Variants in KIAA0586 observed in about 807,000 individuals in gnomAD.
The protein encoded by KIAA0586 is protein TALPID3.
In KIAA0586, 144 loss-of-function variants were observed where a neutral mutation model predicts 169.8. The ratio of observed to expected loss-of-function variants is 0.85; its 90% CI spans 0.74 to 0.97. The LOEUF (loss-of-function observed/expected upper bound fraction) is 0.97, where lower values mean the gene tolerates loss of function less well. KIAA0586 is among the 50% of genes least tolerant of loss of function. The probability of loss-of-function intolerance (pLI) is 0.00; values close to 1 mark genes in which losing one functional copy is unlikely to be tolerated. For synonymous variants in KIAA0586, 625 were observed against 612.4 expected, an observed-to-expected ratio of 1.02 and a Z score of -0.30; for missense variants, 1,854 against 1,823.0, an observed-to-expected ratio of 1.02 and a Z score of -0.31.
intron 29 of KIAA0586, among the ~76,000 whole-genome samples, chr14:58,538,484 G>A (rs760865005): frequency 2.6e-5 from 4 of 151,320 alleles, no homozygotes; most frequent in Non-Finnish European, 4.4e-5. Flanking sequence ...ATGTATTTAC[G>A]GGTTACATGA....
At chr14:58,498,209 C>T (rs965967261) in intron 26 of KIAA0586, among the ~76,000 whole-genome samples, 4 of 151,120 alleles carry the variant, frequency 2.6e-5, no homozygotes, top group Admixed American at 1.3e-4. Context: ...CAGGGTCTCA[C>T]TGTATCACCC....
chr14:58,464,113 G>A (rs367584405), intron 14 of KIAA0586: 7 of 401,094 alleles, frequency 1.7e-5, no homozygotes, highest in African/African-American at 1.3e-4. Context: ...GACACAGGCT[G>A]GGCTGGAAGA....
rs369440681 is a variant in KIAA0586 at position 58,431,504 on chromosome 14, T to G, written c.340+787T>G. Reference sequence around the variant, plus strand: ...CTGGTCTCAAACTCCTGACCTCAAGTGATCTGCCTACCTCAGCCTCCTAAA... The same window carrying G: ...CTGGTCTCAAACTCCTGACCTCAAGGGATCTGCCTACCTCAGCCTCCTAAA... On this transcript the variant is annotated intron_variant, in intron 3 of 30. Transcript: ENST00000652326. Among the ~76,000 whole-genome samples, 7 of 152,298 alleles carry G rather than the reference T, an allele frequency of 4.6e-5. No homozygotes were observed. In the East Asian group the frequency reaches 7.7e-4, roughly 17 times the overall value.
chr14:58,523,897 C>T (rs1279268173), intron 29 of KIAA0586, among the ~76,000 whole-genome samples: 5 of 152,004 alleles, frequency 3.3e-5, no homozygotes, highest in Non-Finnish European at 7.4e-5. Context: ...CAATGCCCTC[C>T]AAATTAACTG....
rs1378123671 is a variant in KIAA0586, at chr14:58,456,766, C to T, written c.1318C>T (p.His440Tyr). Residue 440 changes from histidine (H) to tyrosine (Y), a missense_variant, in exon 10 of 31, where the codon CAT becomes TAT. Physicochemically the swap from His to Tyr is moderately conservative, Grantham distance 83. Coordinates refer to ENST00000652326, the MANE Select transcript of KIAA0586 (RefSeq NM_001329943.3). ...TATGCAGAAGTCTGATGATGTTCTT[C>T]ATGACCTTGGCCAAAAAGAGAAAGA... ...VTMQKSDDVL[H>Y]DLGQKEKETN... The T allele has an allele frequency of 6.2e-7, 1 of 1,604,762 alleles. No individual in the cohort carries two copies. Among genetic ancestry groups the T allele is most frequent in the African/African-American group, 1.3e-5 (1 of 74,796 alleles).
chr14:58,519,094 T>C (rs2044990202), intron 29 of KIAA0586, among the ~76,000 whole-genome samples: 1 of 152,228 alleles, frequency 6.6e-6, no homozygotes, highest in South Asian at 2.1e-4. Flanking sequence ...ATCGCACCAC[T>C]GCACTCCAGC....
rs372354516 is a variant in KIAA0586, at chr14:58,545,949, G to A, written c.4496-1832G>A. On this transcript the variant is annotated intron_variant, in intron 30 of 30. Coordinates refer to ENST00000652326, the MANE Select transcript of KIAA0586 (RefSeq NM_001329943.3). ...CTTGGGAGGCTGAGGTGGAAGGATCGCTTGAGCCTGTGAGGTTGAGGCTGC... is the reference window on the plus strand; with the variant it reads ...CTTGGGAGGCTGAGGTGGAAGGATCACTTGAGCCTGTGAGGTTGAGGCTGC... 9.9e-5 allele frequency among the ~76,000 whole-genome samples: 15 copies of A among 152,080 alleles called. 1 individual carries two copies. In the East Asian group the frequency reaches 1.2e-3, roughly 12 times the overall value.
At chr14:58,491,139 A>C (rs982513117) in intron 25 of KIAA0586, among the ~76,000 whole-genome samples, 3 of 152,212 alleles carry the variant, frequency 2.0e-5, no homozygotes, top group African/African-American at 7.2e-5. Flanking sequence ...ATTAGTGTAC[A>C]ATTATAGCAT....
chr14:58,543,540 C>T (rs1473475054), intron 30 of KIAA0586, among the ~76,000 whole-genome samples: 1 of 152,188 alleles, frequency 6.6e-6, no homozygotes, highest in Non-Finnish European at 1.5e-5. Context: ...CATACAGAAG[C>T]CTCACATCAG....
intron 26 of KIAA0586, among the ~76,000 whole-genome samples, chr14:58,497,033 G>A (rs963220759): frequency 6.0e-5 from 9 of 151,136 alleles, no homozygotes; most frequent in South Asian, 2.1e-4. Context: ...GGAATGCAGT[G>A]GCGGGATCTC....
At chr14:58,539,859 C>T (rs973674882) in intron 29 of KIAA0586, 8 of 397,044 alleles carry the variant, frequency 2.0e-5, no homozygotes, top group Middle Eastern at 6.8e-4. Context: ...GATAATAATC[C>T]GTTAAAGTAT....
chr14:58,543,855 C>G (rs1395176922), intron 30 of KIAA0586: 1 of 451,440 alleles, frequency 2.2e-6, no homozygotes, highest in Non-Finnish European at 4.4e-6. Flanking sequence ...ATGATTTTTA[C>G]CTCTTTTTTT....
At position 58,494,701 on chromosome 14, in the gene KIAA0586, G is replaced by A. The variant is rs541542402; in HGVS notation, c.3990+2426G>A. The stretch of plus-strand genomic sequence containing the variant: ...TGTGTCTTTAAGCCCTTAGGAAGAC[G>A]TTGCTTTGGGAGGGTTTGTAATCCA... On this transcript the variant is annotated intron_variant, in intron 26 of 30. Coordinates refer to ENST00000652326, the MANE Select transcript of KIAA0586 (RefSeq NM_001329943.3). 3.4e-4 allele frequency among the ~76,000 whole-genome samples: 51 copies of A among 152,236 alleles called. 2 individuals carry two copies. The highest frequency in any genetic ancestry group is 1.4e-3 in the Admixed American group (22 of 15,296).
At chr14:58,427,694 G>C (rs1406685304), upstream of KIAA0586, 8 of 1,535,478 alleles carry the variant, frequency 5.2e-6, no homozygotes, top group Non-Finnish European at 7.0e-6. Context: ...GAAGGGAAGT[G>C]GGTGTTGACC....
chr14:58,456,925 G>T, intron 10 of KIAA0586, 115 bp downstream of exon 10: 1 of 650,100 alleles, frequency 1.5e-6, no homozygotes, highest in South Asian at 2.0e-5. Context: ...CACTGAAAAA[G>T]ATATGTCAGC....
At chr14:58,504,701 C>T (rs1194126734) in intron 27 of KIAA0586, among the ~76,000 whole-genome samples, 1 of 152,100 alleles carries the variant, frequency 6.6e-6, no homozygotes, top group African/African-American at 2.4e-5. Context: ...AAAGGTCTAA[C>T]TTGCATTATA....
chr14:58,493,664 C>T (rs902931125), intron 26 of KIAA0586, among the ~76,000 whole-genome samples: 21 of 152,134 alleles, frequency 1.4e-4, no homozygotes, highest in African/African-American at 4.8e-4. Context: ...TAACATATTC[C>T]TTCTGAATTT....
chr14:58,542,277 C>G (rs1294839127), intron 30 of KIAA0586, among the ~76,000 whole-genome samples: 3 of 151,856 alleles, frequency 2.0e-5, no homozygotes, highest in Non-Finnish European at 2.9e-5. Flanking sequence ...AGGAGTTTGA[C>G]ATCAGCCTGA....
Position 58,499,532 on chromosome 14 carries a change from G to A in KIAA0586, c.4168+572G>A, listed in dbSNP as rs142142303. Among the ~76,000 whole-genome samples the A allele has an allele frequency of 3.3e-5, 5 of 150,880 alleles. No individual in the cohort carries two copies. The East Asian group carries it at 9.8e-4, about 30-fold the overall frequency. On this transcript the variant is annotated intron_variant, in intron 27 of 30. Transcript: ENST00000652326. The stretch of plus-strand genomic sequence containing the variant: ...CTCCCAAAGTGCTGGAATTACAGGT[G>A]TGAGCCACCGCGCCTAGCCTATTTT...
Sources: allele counts gnomAD v4.1 joint callset (sites outside exome capture counted in the v4.1 genomes callset), GRCh38; gene constraint gnomAD v4.1.1; transcripts MANE v1.5; gene names NCBI Gene and HGNC (gene_info 2026-07-23, HGNC 2026-07-21).